SLC6A11: variants seen among roughly 807,000 people sequenced by gnomAD.
SLC6A11 encodes the protein solute carrier family 6 member 11.
Under a neutral mutation model 74.8 loss-of-function variants are expected in SLC6A11, and 25 were observed. The ratio of observed to expected loss-of-function variants is 0.33; its 90% confidence interval spans 0.24 to 0.47. The LOEUF is 0.47. Among genes scored for constraint, SLC6A11 ranks in the 20% least tolerant of loss-of-function variants. SLC6A11 has a pLI of 1.00. For missense variants in SLC6A11, 574 were observed against 837.0 expected (o/e 0.69, Z 3.88); for synonymous variants, 330 against 330.2 (o/e 1.00, Z 0.01).
Position 10,873,909 on chromosome 3 carries a change from T to C in SLC6A11, c.757-1052T>C, listed in dbSNP as rs1010463522. On this transcript the variant is annotated intron_variant, in intron 5 of 13. Transcript: ENST00000254488. ...TATGCTACTCTATGCTATCCTATGCTATGCTATGCTACACTATCCTATGTT... is the reference window on the plus strand; with the variant it reads ...TATGCTACTCTATGCTATCCTATGCCATGCTATGCTACACTATCCTATGTT... 8.5e-5 allele frequency among the ~76,000 whole-genome samples: 13 copies of C among 152,352 alleles called. 1 individual carries two copies. In the South Asian group the frequency reaches 2.7e-3, roughly 32 times the overall value.
Position 10,830,754 on chromosome 3 carries a change from GCAGT to G in SLC6A11, c.623+7365_623+7368del, listed in dbSNP as rs557698557. 9.2e-4 allele frequency among the ~76,000 whole-genome samples: 140 copies of G among 152,272 alleles called. 1 individual carries two copies. Among genetic ancestry groups the G allele is most frequent in the African/African-American group, 3.3e-3 (137 of 41,564 alleles). On this transcript the variant is annotated intron_variant, in intron 4 of 13. Transcript: ENST00000254488. The stretch of plus-strand genomic sequence containing the variant: ...GGGAGGCTGTTTGGGGAATGGCAAG[GCAGT>G]CAAAGAGCCTGGAGAAGAGCATGAA...
At chr3:10,846,488 G>A (rs1694504966) in intron 5 of SLC6A11, among the ~76,000 whole-genome samples, 1 of 152,192 alleles carries the variant, frequency 6.6e-6, no homozygotes, top group Non-Finnish European at 1.5e-5. Flanking sequence ...GACCTCATAT[G>A]GCCTTGAGCT....
chr3:10,861,038 A>G (rs946558424), intron 5 of SLC6A11, among the ~76,000 whole-genome samples: 1 of 152,234 alleles, frequency 6.6e-6, no homozygotes, highest in African/African-American at 2.4e-5. Flanking sequence ...GAGAGTGTTT[A>G]GAGAATAGGA....
intron 4 of SLC6A11, among the ~76,000 whole-genome samples, chr3:10,829,499 A>G (rs1293526397): frequency 6.6e-6 from 1 of 152,172 alleles, no homozygotes; most frequent in Non-Finnish European, 1.5e-5. Context: ...AGCAACATCC[A>G]GTTCTGCTAG....
chr3:10,918,132 A>G lies in SLC6A11; in HGVS notation c.996-197A>G, dbSNP rs1221706505. ...GACCTACCTTACCTTCTAGAAATTC[A>G]GGAGAAGCTGTGTGACCATGGGCCA... On this transcript the variant is annotated intron_variant, in intron 7 of 13. Transcript: ENST00000254488. The surrounding 1 kb of genome is among the most constrained non-coding windows in gnomAD (Gnocchi z 4.5). 6.6e-6 allele frequency among the ~76,000 whole-genome samples: 1 copy of G among 152,160 alleles called. No homozygotes were observed. The highest frequency in any genetic ancestry group is 2.4e-5 in the African/African-American group (1 of 41,436).
intron 6 of SLC6A11, among the ~76,000 whole-genome samples, chr3:10,881,814 C>T (rs1204192614): frequency 2.0e-5 from 3 of 152,188 alleles, no homozygotes; most frequent in African/African-American, 7.2e-5. Flanking sequence ...CCAGTTTAGC[C>T]CTGTGGCCCG....
At chr3:10,925,182 G>T (rs186580669) in intron 8 of SLC6A11, among the ~76,000 whole-genome samples, 1 of 152,296 alleles carries the variant, frequency 6.6e-6, no homozygotes, top group Admixed American at 6.5e-5. Context: ...ATCAAACTAT[G>T]TATGTAAATT....
At chr3:10,900,303 G>A (rs1163193459) in intron 6 of SLC6A11, among the ~76,000 whole-genome samples, 1 of 152,164 alleles carries the variant, frequency 6.6e-6, no homozygotes, top group African/African-American at 2.4e-5. Context: ...TTTCCTGTGT[G>A]CTGGAGACCC....
chr3:10,886,789 A>G (rs912564648), intron 6 of SLC6A11, among the ~76,000 whole-genome samples: 1 of 150,200 alleles, frequency 6.7e-6, no homozygotes, highest in South Asian at 2.1e-4. Context: ...CCTGGGCAAC[A>G]AGAGCGAGAC....
chr3:10,884,276 T>C (rs1431214323), intron 6 of SLC6A11, among the ~76,000 whole-genome samples: 1 of 152,234 alleles, frequency 6.6e-6, no homozygotes, highest in Non-Finnish European at 1.5e-5. Flanking sequence ...CTGATGCTGG[T>C]TATCATTGAT....
At chr3:10,922,911 A>G (rs1250081281) in intron 8 of SLC6A11, among the ~76,000 whole-genome samples, 3 of 152,198 alleles carry the variant, frequency 2.0e-5, no homozygotes, top group Admixed American at 2.0e-4. Context: ...GTACAGGGGT[A>G]GCAATTCCAC....
Position 10,926,084 on chromosome 3 carries a change from A to C in SLC6A11, c.1201A>C (p.Met401Leu), listed in dbSNP as rs777948757. ...CCCGCTGTGGGCCACCTTGTTCTTC[A>C]TGATGCTCATCTTCCTGGGCCTGGA... ...LSPLWATLFFMMLIFLGLDSQ... is the reference protein window; with the variant it reads ...LSPLWATLFFLMLIFLGLDSQ... Residue 401 changes from methionine (M) to leucine (L), a missense_variant, in exon 9 of 14, where the codon ATG becomes CTG. Coordinates refer to ENST00000254488, the MANE Select transcript of SLC6A11 (RefSeq NM_014229.3). This position sits in a 1 kb window ranked among gnomAD's most constrained non-coding sequence, Gnocchi z 5.7. The C allele has an allele frequency of 6.2e-7, 1 of 1,613,082 alleles. No individual in the cohort carries two copies. Among genetic ancestry groups the C allele is most frequent in the African/African-American group, 1.3e-5 (1 of 74,836 alleles).
chr3:10,926,017 C>A lies in SLC6A11; in HGVS notation c.1134C>A (p.Ala378=). ...CCCTCGCTCCAGGCCCCGGCCTGGCCTTTATTGCGTACCCCAAGGCGGTCA... is the reference window on the plus strand; with the variant it reads ...CCCTCGCTCCAGGCCCCGGCCTGGCATTTATTGCGTACCCCAAGGCGGTCA... ...AEVAESGPGL[A]FIAYPKAVTM... Residue 378 remains alanine, a synonymous_variant, in exon 9 of 14, where the codon GCC becomes GCA. Transcript: ENST00000254488. This position sits in a 1 kb window ranked among gnomAD's most constrained non-coding sequence, Gnocchi z 5.7. The A allele has an allele frequency of 6.2e-7, 1 of 1,610,870 alleles. No individual in the cohort carries two copies. Among genetic ancestry groups the A allele is most frequent in the Non-Finnish European group, 8.5e-7 (1 of 1,177,516 alleles).
chr3:10,861,416 C>T (rs550665079), intron 5 of SLC6A11, among the ~76,000 whole-genome samples: 1 of 152,178 alleles, frequency 6.6e-6, no homozygotes, highest in East Asian at 1.9e-4. Flanking sequence ...ACTTTGGAGG[C>T]TGAGGTGGGA....
At position 10,819,311 on chromosome 3, in the gene SLC6A11, C is replaced by A. The variant is rs111664734; in HGVS notation, c.257-154C>A. Among the ~76,000 whole-genome samples the A allele has an allele frequency of 4.0e-3, 605 of 152,244 alleles. 2 individuals are homozygous for A. The highest frequency in any genetic ancestry group is 0.014 in the African/African-American group (585 of 41,548). On this transcript the variant is annotated intron_variant, in intron 1 of 13. Transcript: ENST00000254488. ...GTGAGGTAGACTTACAGAAACCTAG[C>A]GCTGTTTTCTGACTCTGGTCTTCAT...
intron 4 of SLC6A11, among the ~76,000 whole-genome samples, chr3:10,836,021 A>C (rs1327829336): frequency 6.6e-6 from 1 of 152,168 alleles, no homozygotes; most frequent in African/African-American, 2.4e-5. Flanking sequence ...ATTCACCATT[A>C]ATCTCCATTC....
chr3:10,928,783 C>T lies in SLC6A11; in HGVS notation c.1234-419C>T, dbSNP rs563861972. ...CTGCCATCAGCAGAGCACGTAACTC[C>T]CACTACAGGCACAGAAATCCCAGCC... On this transcript the variant is annotated intron_variant, in intron 9 of 13. Coordinates refer to ENST00000254488, the MANE Select transcript of SLC6A11 (RefSeq NM_014229.3). 3.3e-5 allele frequency among the ~76,000 whole-genome samples: 5 copies of T among 152,130 alleles called. No individual in the cohort carries two copies. The South Asian group carries it at 1.0e-3, about 32-fold the overall frequency.
At chr3:10,843,454 G>A (rs888999079) in intron 4 of SLC6A11, among the ~76,000 whole-genome samples, 3 of 151,954 alleles carry the variant, frequency 2.0e-5, no homozygotes, top group Non-Finnish European at 4.4e-5. Flanking sequence ...ACCTAAAACC[G>A]TCTCCACTTC....
In SLC6A11 at chr3:10,850,655, C is replaced by G. The variant is rs1486366171; in HGVS notation, c.756+6309C>G. 2.0e-5 allele frequency among the ~76,000 whole-genome samples: 3 copies of G among 151,988 alleles called. No individual in the cohort carries two copies. The South Asian group carries it at 6.2e-4, about 32-fold the overall frequency. ...GGAAGGACTTGGTGAACTTGTGCGG[C>G]AAAGTAAAGGCAGTGATTGAGAAAG... On this transcript the variant is annotated intron_variant, in intron 5 of 13. Coordinates refer to ENST00000254488, the MANE Select transcript of SLC6A11 (RefSeq NM_014229.3).
Sources: allele counts gnomAD v4.1 joint callset (sites outside exome capture counted in the v4.1 genomes callset), GRCh38; gene constraint gnomAD v4.1.1; non-coding constraint Gnocchi (gnomAD v3.1); transcripts MANE v1.5; gene names NCBI Gene and HGNC (gene_info 2026-07-23, HGNC 2026-07-21).